MBP: variants seen among roughly 807,000 people sequenced by gnomAD.
MBP encodes Golli-MBP.
In MBP, 16 loss-of-function variants were observed where a neutral mutation model predicts 35.8. That is an observed-to-expected ratio of 0.45 (90% CI 0.30 to 0.68). MBP has a LOEUF of 0.68. MBP is among the 30% of genes least tolerant of loss of function. The pLI is 0.08. For missense variants in MBP, 380 were observed against 404.7 expected, an observed-to-expected ratio of 0.94 and a Z score of 0.52; for synonymous variants, 143 against 159.6, an observed-to-expected ratio of 0.90 and a Z score of 0.78.
chr18:76,987,452 G>A (rs1183191085), intron 7 of MBP: 1 of 985,320 alleles, frequency 1.0e-6, no homozygotes, highest in Non-Finnish European at 1.2e-6. Flanking sequence ...AATCATGTGT[G>A]GGACTGATCT....
chr18:77,032,662 T>C (rs528574252), intron 3 of MBP, among the ~76,000 whole-genome samples: 4 of 152,024 alleles, frequency 2.6e-5, no homozygotes, highest in African/African-American at 7.3e-5. Context: ...CCTAACACGG[T>C]TGGCGTAGAG....
At chr18:77,001,754 G>A (rs1599520363) in intron 4 of MBP, among the ~76,000 whole-genome samples, 1 of 152,154 alleles carries the variant, frequency 6.6e-6, no homozygotes, top group African/African-American at 2.4e-5. Context: ...GGAGGCTGAG[G>A]CAGGAGAATC....
intron 1 of MBP, among the ~76,000 whole-genome samples, chr18:77,119,904 G>A (rs1486239090): frequency 6.6e-6 from 1 of 152,198 alleles, no homozygotes; most frequent in Non-Finnish European, 1.5e-5. Context: ...AAGTCCCCAG[G>A]AGACAGAGAG....
Position 77,119,023 on chromosome 18 carries a change from G to A in MBP, c.-26+13557C>T, listed in dbSNP as rs1006379302. Among the ~76,000 whole-genome samples the A allele has an allele frequency of 3.2e-5, 4 of 124,202 alleles. No homozygotes were observed. In the East Asian group the frequency reaches 9.8e-4, roughly 31 times the overall value. 81.5% of individuals were successfully genotyped at this position (124,202 alleles called of 152,430 possible). A position where few individuals can be genotyped will look rare whatever the true frequency, so the allele number is the denominator to read the frequency against. On this transcript the variant is annotated intron_variant, in intron 1 of 8. Coordinates refer to ENST00000355994, the MANE Select transcript of MBP (RefSeq NM_001025101.2). ...TACCCTTGGCTGTGAGACGCTGCCC[G>A]GCAGACACACTTTCCCTTGCACCCT...
chr18:77,100,614 G>A (rs1341915307), intron 2 of MBP, among the ~76,000 whole-genome samples: 5 of 151,532 alleles, frequency 3.3e-5, no homozygotes, highest in African/African-American at 1.2e-4. Flanking sequence ...GCAGTGGTGT[G>A]ATCATGGCTC....
rs576121246 is a variant in MBP, at chr18:77,052,325, G to A, written c.139+13973C>T. Among the ~76,000 whole-genome samples, 68 of 152,286 alleles carry A rather than the reference G, an allele frequency of 4.5e-4. 1 individual carries two copies. Among genetic ancestry groups the A allele is most frequent in the Admixed American group, 3.7e-3 (56 of 15,304 alleles). On this transcript the variant is annotated intron_variant, in intron 3 of 8. Transcript: ENST00000355994. ...AGACATAAGTGATCAGCAGCATCCC[G>A]ATCGGGGGGGTAAGACAAAGGGGTC...
At chr18:77,080,521 C>T (rs1436034973) in intron 2 of MBP, among the ~76,000 whole-genome samples, 10 of 152,160 alleles carry the variant, frequency 6.6e-5, no homozygotes, top group Admixed American at 3.9e-4. Context: ...ACAACCAGAC[C>T]GTCTGCAGGC....
At chr18:77,093,477 A>G (rs1426505130) in intron 2 of MBP, 1 of 152,258 alleles carries the variant, frequency 6.6e-6, no homozygotes, top group African/African-American at 2.4e-5. Flanking sequence ...TATATCTTTA[A>G]TCATTGCATT....
intron 4 of MBP, among the ~76,000 whole-genome samples, chr18:76,994,605 A>T (rs1970163099): frequency 1.3e-5 from 2 of 152,354 alleles, no homozygotes; most frequent in Middle Eastern, 6.8e-3. Context: ...TATAATGAAT[A>T]TATTGATCAC....
rs1283234002 is a variant in MBP, at chr18:77,066,331, A to G, written c.106T>C (p.Ser36Pro). The G allele has an allele frequency of 3.1e-6, 5 of 1,614,118 alleles. No individual in the cohort carries two copies. Among genetic ancestry groups the G allele is most frequent in the South Asian group, 1.1e-5 (1 of 91,090 alleles). The change falls in exon 3 of 9, where the codon TCA (serine) becomes CCA (proline). Residue 36 changes from serine to proline, a missense_variant. Ser to Pro is a moderately conservative substitution (Grantham distance 74). Transcript: ENST00000355994. ...TCGTTGTCCTCTGAGGTTGTCCGTGAAAGTTCACCCAGGTTTCTCTTTTTT... is the reference window on the plus strand; with the variant it reads ...TCGTTGTCCTCTGAGGTTGTCCGTGGAAGTTCACCCAGGTTTCTCTTTTTT... ...SEKKRNLGEL[S>P]RTTSEDNEVF...
Position 77,044,985 on chromosome 18 carries a change from G to A in MBP, c.139+21313C>T, listed in dbSNP as rs868275871. ...TGGTGTGTGAGTGTGGAGTGTGTGAGTGTTCAAGATTCCCTACATAACGGG... is the reference window on the plus strand; with the variant it reads ...TGGTGTGTGAGTGTGGAGTGTGTGAATGTTCAAGATTCCCTACATAACGGG... On this transcript the variant is annotated intron_variant, in intron 3 of 8. Transcript: ENST00000355994. This position sits in a 1 kb window ranked among gnomAD's most constrained non-coding sequence, Gnocchi z 4.4. Among the ~76,000 whole-genome samples the A allele has an allele frequency of 3.3e-5, 5 of 151,482 alleles. No homozygotes were observed. The Middle Eastern group carries it at 0.01, about 313-fold the overall frequency.
intron 1 of MBP, among the ~76,000 whole-genome samples, chr18:77,128,509 C>A (rs975459831): frequency 7.2e-6 from 1 of 139,658 alleles, no homozygotes; most frequent in African/African-American, 2.8e-5. Flanking sequence ...GAGAACTAAG[C>A]GCACGTGCAT....
chr18:77,120,006 C>T (rs965312565), intron 1 of MBP, among the ~76,000 whole-genome samples: 7 of 152,310 alleles, frequency 4.6e-5, no homozygotes, highest in Non-Finnish European at 8.8e-5. Flanking sequence ...CCAGGGCAGA[C>T]AGGGACCCTA....
chr18:77,128,928 C>T (rs180860106), intron 1 of MBP, among the ~76,000 whole-genome samples: 6 of 152,322 alleles, frequency 3.9e-5, no homozygotes, highest in Non-Finnish European at 7.4e-5. Context: ...AAGTTTTCTA[C>T]ACCTTCTCTA....
chr18:76,998,228 G>A (rs1005900842), intron 4 of MBP, among the ~76,000 whole-genome samples: 2 of 152,138 alleles, frequency 1.3e-5, no homozygotes, highest in African/African-American at 4.8e-5. Context: ...CGGGCCACCC[G>A]AGGGGCCTCC....
At chr18:77,013,439 T>C (rs1971457862) in intron 4 of MBP, 18 of 985,414 alleles carry the variant, frequency 1.8e-5, no homozygotes, top group Non-Finnish European at 2.0e-5. Flanking sequence ...GATCTCATGG[T>C]AACAATGAGG....
chr18:77,088,155 T>C (rs1975342903), intron 2 of MBP, among the ~76,000 whole-genome samples: 1 of 152,144 alleles, frequency 6.6e-6, no homozygotes, highest in Non-Finnish European at 1.5e-5. Context: ...GGGGCCTCAA[T>C]AAACAAATAC....
chr18:77,059,774 C>G (rs901430037), intron 3 of MBP, among the ~76,000 whole-genome samples: 1 of 152,108 alleles, frequency 6.6e-6, no homozygotes, highest in Non-Finnish European at 1.5e-5. Flanking sequence ...AGAGATGCAC[C>G]GCCTTCAAGA....
At chr18:76,992,454 C>A (rs558112797) in intron 4 of MBP, among the ~76,000 whole-genome samples, 2 of 152,136 alleles carry the variant, frequency 1.3e-5, no homozygotes, top group African/African-American at 4.8e-5. Context: ...AGAGCGGTAC[C>A]GGTCCAGGGC....
Sources: gnomAD v4.1 joint callset for allele counts (sites outside exome capture counted in the v4.1 genomes callset) on GRCh38, gnomAD v4.1.1 for gene constraint, Gnocchi (gnomAD v3.1) non-coding constraint, MANE v1.5 for transcripts, NCBI Gene and HGNC (gene_info 2026-07-23, HGNC 2026-07-21) for gene names.